Variants in SMAD1 observed in about 807,000 individuals in gnomAD.
The protein encoded by SMAD1 is MAD, mothers against decapentaplegic homolog 1.
A neutral mutation model predicts 41.6 loss-of-function variants in SMAD1; 6 were observed. The observed-to-expected ratio is 0.14, with a 90% confidence interval of 0.08 to 0.28. SMAD1 has a LOEUF of 0.28. Among genes scored for constraint, SMAD1 ranks in the 10% least tolerant of loss-of-function variants. The pLI is 1.00. For missense variants in SMAD1, 379 were observed against 582.6 expected (o/e 0.65, Z 3.60); for synonymous variants, 206 against 203.2 (o/e 1.01, Z -0.12).
intron 1 of SMAD1, chr4:145,513,116 T>C (rs574563997): frequency 6.6e-6 from 1 of 152,358 alleles, no homozygotes; most frequent in South Asian, 2.1e-4. Flanking sequence ...GTTTTTAGCC[T>C]CTTAGTTACC....
intron 1 of SMAD1, among the ~76,000 whole-genome samples, chr4:145,511,157 A>G (rs1007244151): frequency 1.1e-4 from 17 of 152,308 alleles, no homozygotes; most frequent in Non-Finnish European, 1.5e-4. Flanking sequence ...CTTAGTTGTC[A>G]TATTTTAGTC....
At chr4:145,519,628 T>TG (rs1560742864) in intron 2 of SMAD1, among the ~76,000 whole-genome samples, 1 of 145,168 alleles carries the variant, frequency 6.9e-6, no homozygotes, top group African/African-American at 2.6e-5. Flanking sequence ...CACTCCAGCC[T>TG]GGGTAAGAGA....
intron 2 of SMAD1, among the ~76,000 whole-genome samples, chr4:145,520,091 T>C (rs1730661633): frequency 6.6e-6 from 1 of 152,158 alleles, no homozygotes; most frequent in South Asian, 2.1e-4. Flanking sequence ...ATCAAAAAGA[T>C]GAAAGATATC....
chr4:145,485,607 A>G (rs979165810), intron 1 of SMAD1, among the ~76,000 whole-genome samples: 1 of 152,200 alleles, frequency 6.6e-6, no homozygotes, highest in Non-Finnish European at 1.5e-5. Context: ...AAAGATGGAA[A>G]GACATATATA....
rs1553947708 is a variant in SMAD1, at chr4:145,528,092, CAT to C, written c.401-11710_401-11709del. On this transcript the variant is annotated intron_variant, in intron 2 of 6. Coordinates refer to ENST00000302085, the MANE Select transcript of SMAD1 (RefSeq NM_005900.3). Reference sequence around the variant, plus strand: ...ACACACACACACACACACACACACACATACACACACATATATTTTTTTTTTTT... The same window carrying C: ...ACACACACACACACACACACACACACACACACACATATATTTTTTTTTTTT... Among the ~76,000 whole-genome samples the C allele has an allele frequency of 1.6e-3, 240 of 147,258 alleles. 1 individual carries two copies. The highest frequency in any genetic ancestry group is 5.3e-3 in the African/African-American group (209 of 39,362).
chr4:145,512,936 T>G (rs1418739004), intron 1 of SMAD1, among the ~76,000 whole-genome samples: 1 of 152,248 alleles, frequency 6.6e-6, no homozygotes, highest in East Asian at 1.9e-4. Flanking sequence ...TTGTAAAGAC[T>G]GATCCGTTTC....
At chr4:145,501,674 C>T (rs565993490) in intron 1 of SMAD1, among the ~76,000 whole-genome samples, 107 of 151,006 alleles carry the variant, frequency 7.1e-4, no homozygotes, top group Non-Finnish European at 1.3e-3. Flanking sequence ...GTTTTTTCCT[C>T]CTGTAGTTGA....
At chr4:145,499,093 T>C (rs11935237) in intron 1 of SMAD1, among the ~76,000 whole-genome samples, 13,907 of 152,196 alleles carry the variant, frequency 0.091, 1,928 homozygotes, top group African/African-American at 0.3. Context: ...TCTTCCTTGT[T>C]AGTCATTTTC....
Position 145,558,032 on chromosome 4 carries a change from G to C in SMAD1, c.*98G>C. ...GATTGAGAACTGACAAAGGAGCCTT[G>C]ATAATACTTGACCTCTGTGACCAAC... On this transcript the variant is annotated 3_prime_UTR_variant, in exon 7 of 7. Coordinates refer to ENST00000302085, the MANE Select transcript of SMAD1 (RefSeq NM_005900.3). 1.4e-6 allele frequency: 1 copy of C among 695,128 alleles called. No individual in the cohort carries two copies. Among genetic ancestry groups the C allele is most frequent in the Non-Finnish European group, 2.1e-6 (1 of 472,280 alleles). The allele number at this position is 695,128 out of a possible 1,614,324, so 43.1% of individuals were successfully genotyped here.
At chr4:145,501,324 A>G (rs957383322) in intron 1 of SMAD1, among the ~76,000 whole-genome samples, 2 of 152,224 alleles carry the variant, frequency 1.3e-5, no homozygotes, top group Non-Finnish European at 2.9e-5. Context: ...CTCTTCCCAG[A>G]GGAGGAGTTC....
At position 145,546,700 on chromosome 4, in the gene SMAD1, T is replaced by C; in HGVS notation, c.776-3T>C. On this transcript the variant is annotated splice_polypyrimidine_tract_variant and splice_region_variant and intron_variant, in intron 4 of 6. Transcript: ENST00000302085. ...GGTTGATATAACATTTTCTTTCCTC[T>C]AGATGTTCAGGCGGTTGCTTATGAG... 6.2e-7 allele frequency: 1 copy of C among 1,608,270 alleles called. No individual in the cohort carries two copies. The highest frequency in any genetic ancestry group is 8.5e-7 in the Non-Finnish European group (1 of 1,175,908).
At chr4:145,545,513 A>G (rs1732194721) in intron 4 of SMAD1, 1 of 150,400 alleles carries the variant, frequency 6.6e-6, no homozygotes, top group South Asian at 2.1e-4. Context: ...TAAAGCGACT[A>G]ACTTATGTGT....
chr4:145,515,164 G>GTGTC, intron 2 of SMAD1, 151 bp downstream of exon 2: 1 of 724,916 alleles, frequency 1.4e-6, no homozygotes, highest in Non-Finnish European at 2.2e-6. Context: ...GTGTGTGTGT[G>GTGTC]TGTGTGTGTG....
At position 145,542,690 on chromosome 4, in the gene SMAD1, A is replaced by G. The variant is rs2126521465; in HGVS notation, c.767A>G (p.Asn256Ser). 6.2e-7 allele frequency: 1 copy of G among 1,606,394 alleles called. No individual in the cohort carries two copies. The highest frequency in any genetic ancestry group is 1.3e-5 in the African/African-American group (1 of 74,832). The change falls in exon 4 of 7, where the codon AAC (asparagine) becomes AGC (serine). Residue 256 changes from asparagine to serine, a missense_variant. Transcript: ENST00000302085. Reference sequence around the variant, plus strand: ...GCGCCTCCCCTGCCCTCAGAAATCAACAGAGGAGGTAAAACTAATTGCTGC... The same window carrying G: ...GCGCCTCCCCTGCCCTCAGAAATCAGCAGAGGAGGTAAAACTAATTGCTGC... ...MMAPPLPSEINRGDVQAVAYE... is the reference protein window; with the variant it reads ...MMAPPLPSEISRGDVQAVAYE...
intron 2 of SMAD1, among the ~76,000 whole-genome samples, chr4:145,517,425 C>T (rs563982990): frequency 1.3e-5 from 2 of 152,216 alleles, no homozygotes; most frequent in Admixed American, 6.5e-5. Context: ...TATCTCCCTA[C>T]TCTGCTTGGG....
intron 1 of SMAD1, among the ~76,000 whole-genome samples, chr4:145,513,616 A>G (rs778912358): frequency 6.6e-6 from 1 of 152,228 alleles, no homozygotes; most frequent in Non-Finnish European, 1.5e-5. Context: ...ACCCTAAAAT[A>G]TTACTACATT....
intron 2 of SMAD1, among the ~76,000 whole-genome samples, chr4:145,526,102 G>T (rs1731003772): frequency 6.6e-6 from 1 of 152,150 alleles, no homozygotes; most frequent in African/African-American, 2.4e-5. Flanking sequence ...TTGTGGCCTG[G>T]CGTGGTCTGG....
At chr4:145,556,904 C>T (rs1253190486) in intron 6 of SMAD1, among the ~76,000 whole-genome samples, 1 of 152,100 alleles carries the variant, frequency 6.6e-6, no homozygotes, top group Non-Finnish European at 1.5e-5. Context: ...TTTCGAACTC[C>T]CGACCTCAGG....
At chr4:145,515,053 A>C (rs751226090) in intron 2 of SMAD1, 40 bp downstream of exon 2, 1 of 1,537,854 alleles carries the variant, frequency 6.5e-7, no homozygotes, top group Non-Finnish European at 8.8e-7. Flanking sequence ...TTGTGTGCCC[A>C]GTACCAGATT....
Sources: allele counts gnomAD v4.1 joint callset (sites outside exome capture counted in the v4.1 genomes callset), GRCh38; gene constraint gnomAD v4.1.1; transcripts MANE v1.5; gene names NCBI Gene and HGNC (gene_info 2026-07-23, HGNC 2026-07-21).